The following TLK1 variants were observed in gnomAD, a reference collection of about 807,000 sequenced individuals.
The protein encoded by TLK1 is serine/threonine-protein kinase tousled-like 1.
TLK1 carries 24 observed loss-of-function variants against 105.3 expected under a neutral mutation model. The ratio of observed to expected loss-of-function variants is 0.23; its 90% confidence interval spans 0.17 to 0.32. The LOEUF is 0.32. Among genes scored for constraint, TLK1 ranks in the 10% least tolerant of loss-of-function variants. TLK1 has a pLI of 1.00. For synonymous variants in TLK1, 321 were observed against 310.4 expected (o/e 1.03, Z -0.36); for missense variants, 558 against 910.5 (o/e 0.61, Z 4.98).
chr2:171,135,317 G>A (rs919702169), intron 1 of TLK1, among the ~76,000 whole-genome samples: 170 of 53,392 alleles, frequency 3.2e-3, no homozygotes, highest in African/African-American at 0.026. Context: ...GTGTGTGTGT[G>A]TGTATATATA....
chr2:171,226,108 T>C (rs745802297), intron 1 of TLK1, among the ~76,000 whole-genome samples: 1 of 152,124 alleles, frequency 6.6e-6, no homozygotes, highest in Non-Finnish European at 1.5e-5. Flanking sequence ...AGGAAACAAA[T>C]TGCATGTTAA....
intron 3 of TLK1, among the ~76,000 whole-genome samples, chr2:171,078,980 G>GTCTTCAAACCTGACCCCTGCC (rs1307153940): frequency 2.6e-5 from 4 of 152,130 alleles, no homozygotes; most frequent in Non-Finnish European, 4.4e-5. Context: ...AAATACAAGG[G>GTCTTCAAACCTGACCCCTGCC]TCTTCAAACC....
intron 19 of TLK1, among the ~76,000 whole-genome samples, chr2:170,996,986 TAAG>T (rs1306553642): frequency 3.9e-5 from 6 of 152,274 alleles, no homozygotes; most frequent in African/African-American, 1.4e-4. Context: ...TTAAACACTG[TAAG>T]AAGAAGAAAA....
At chr2:171,093,493 A>T (rs79133898) in intron 2 of TLK1, among the ~76,000 whole-genome samples, 1,697 of 152,312 alleles carry the variant, frequency 0.011, 35 homozygotes, top group African/African-American at 0.038. Context: ...TTCAAAGGAA[A>T]GATGTGAAAA....
At position 170,991,782 on chromosome 2, in the gene TLK1, C is replaced by T. The variant is rs552946883; in HGVS notation, c.*1998G>A. 2.6e-5 allele frequency: 4 copies of T among 152,264 alleles called. No homozygotes were observed. In the South Asian group the frequency reaches 8.3e-4, roughly 32 times the overall value. The allele number at this position is 152,264 out of a possible 1,614,324, so 9.4% of individuals were successfully genotyped here. A position where few individuals can be genotyped will look rare whatever the true frequency, so the allele number is the denominator to read the frequency against. On this transcript the variant is annotated 3_prime_UTR_variant, in exon 21 of 21. Coordinates refer to ENST00000431350, the MANE Select transcript of TLK1 (RefSeq NM_012290.5). ...TTTTAGTTCAGGAATTTAAATGTTA[C>T]TTTATGAACATAGGACTTTATCATT...
chr2:171,096,904 C>A (rs1272556231), intron 2 of TLK1, among the ~76,000 whole-genome samples: 1 of 152,012 alleles, frequency 6.6e-6, no homozygotes, highest in African/African-American at 2.4e-5. Context: ...CTGTCCATGC[C>A]ACCCAAAGTG....
intron 14 of TLK1, among the ~76,000 whole-genome samples, chr2:171,010,312 T>C (rs561539180): frequency 6.6e-6 from 1 of 152,112 alleles, no homozygotes; most frequent in Non-Finnish European, 1.5e-5. Flanking sequence ...GGCAATGTTA[T>C]ATACTGAGGT....
chr2:171,104,399 A>T (rs1468498688), intron 2 of TLK1, among the ~76,000 whole-genome samples: 1 of 152,170 alleles, frequency 6.6e-6, no homozygotes, highest in Non-Finnish European at 1.5e-5. Flanking sequence ...CACTGAAGAA[A>T]AAAATTAAAG....
At chr2:171,142,968 G>A (rs1276247916) in intron 1 of TLK1, among the ~76,000 whole-genome samples, 6 of 152,130 alleles carry the variant, frequency 3.9e-5, no homozygotes, top group Non-Finnish European at 7.4e-5. Context: ...CAGCTACTCC[G>A]GAGGGATTCG....
At position 171,131,463 on chromosome 2, in the gene TLK1, A is replaced by C. The variant is rs534748794; in HGVS notation, c.140-13606T>G. On this transcript the variant is annotated intron_variant, in intron 1 of 20. Transcript: ENST00000431350. ...GCTGCCAAAACAGAGTGGCAGATGC[A>C]AAGTTCTATAGTCATATGCCTGGTT... Among the ~76,000 whole-genome samples the C allele has an allele frequency of 3.9e-5, 6 of 152,322 alleles. No homozygotes were observed. In the East Asian group the frequency reaches 5.8e-4, roughly 15 times the overall value.
chr2:171,193,286 C>T (rs779319150), intron 1 of TLK1, among the ~76,000 whole-genome samples: 1 of 152,126 alleles, frequency 6.6e-6, no homozygotes, highest in South Asian at 2.1e-4. Context: ...GAAAATCACT[C>T]CTCCTAGGAC....
intron 1 of TLK1, among the ~76,000 whole-genome samples, chr2:171,216,806 C>G (rs1693722743): frequency 6.6e-6 from 1 of 152,140 alleles, no homozygotes; most frequent in Non-Finnish European, 1.5e-5. Flanking sequence ...CATGTAACAA[C>G]AAAGGCAGAG....
intron 1 of TLK1, among the ~76,000 whole-genome samples, chr2:171,171,985 C>T (rs1478468606): frequency 1.3e-5 from 2 of 152,208 alleles, no homozygotes; most frequent in African/African-American, 4.8e-5. Flanking sequence ...GTTCATAAAG[C>T]AGCACTGTTT....
rs866155912 is a variant in TLK1, at chr2:170,993,409, C to T, written c.*371G>A. ...TTTTAAATAATGAAAAACTACCCTT[C>T]ATATTAGAACTCTCTAGTAACAACC... On this transcript the variant is annotated 3_prime_UTR_variant, in exon 21 of 21. Transcript: ENST00000431350. 2 of 163,184 alleles carry T rather than the reference C, an allele frequency of 1.2e-5. No individual in the cohort carries two copies. Among genetic ancestry groups the T allele is most frequent in the African/African-American group, 4.8e-5 (2 of 41,966 alleles). The allele number at this position is 163,184 out of a possible 1,614,324, so 10.1% of individuals were successfully genotyped here.
At chr2:170,999,515 T>C (rs1053508637) in intron 18 of TLK1, among the ~76,000 whole-genome samples, 12 of 152,300 alleles carry the variant, frequency 7.9e-5, no homozygotes, top group South Asian at 4.1e-4. Flanking sequence ...ACCACAGAAA[T>C]TGACGTCAAA....
chr2:170,993,781 CAGTA>C lies in TLK1; in HGVS notation c.2296_2299del (p.Tyr766AspfsTer8). 6.4e-7 allele frequency: 1 copy of C among 1,563,130 alleles called. No homozygotes were observed. Among genetic ancestry groups the C allele is most frequent in the South Asian group, 1.2e-5 (1 of 80,676 alleles). On this transcript the variant is annotated frameshift_variant and stop_lost, in exon 21 of 21. Transcript: ENST00000431350. LOFTEE classifies it high-confidence loss of function. Reference sequence around the variant, plus strand: ...TATCATGCCAATCTTGGAGGAAAGTCAGTAAGTAATTATGCTTGAAGAAGGGGGT... The same window carrying C: ...TATCATGCCAATCTTGGAGGAAAGTCAGTAATTATGCTTGAAGAAGGGGGT...
At chr2:171,204,281 A>G (rs1693458316) in intron 1 of TLK1, among the ~76,000 whole-genome samples, 1 of 152,200 alleles carries the variant, frequency 6.6e-6, no homozygotes, top group Admixed American at 6.5e-5. Context: ...GGCACCTAGC[A>G]GTGCTATCGT....
At chr2:171,197,621 G>A (rs796273541) in intron 1 of TLK1, among the ~76,000 whole-genome samples, 1 of 151,930 alleles carries the variant, frequency 6.6e-6, no homozygotes, top group East Asian at 1.9e-4. Flanking sequence ...TCTACTAAAA[G>A]TACAAAAATT....
At chr2:171,065,226 T>C (rs964250493) in intron 3 of TLK1, among the ~76,000 whole-genome samples, 1 of 152,126 alleles carries the variant, frequency 6.6e-6, no homozygotes, top group Non-Finnish European at 1.5e-5. Flanking sequence ...AATTTTACAG[T>C]ATACAAAAAA....
Sources: allele counts gnomAD v4.1 joint callset (sites outside exome capture counted in the v4.1 genomes callset), GRCh38; gene constraint gnomAD v4.1.1; transcripts MANE v1.5; gene names NCBI Gene and HGNC (gene_info 2026-07-23, HGNC 2026-07-21).